FOXK1: variants seen among roughly 807,000 people sequenced by gnomAD.
FOXK1 encodes forkhead box K1.
In FOXK1, 19 loss-of-function variants were observed where a neutral mutation model predicts 51.9. The observed-to-expected ratio is 0.37, with a 90% CI of 0.26 to 0.54. The LOEUF is 0.54. Among genes scored for constraint, FOXK1 ranks in the 20% least tolerant of loss-of-function variants. The pLI is 0.87. For synonymous variants in FOXK1, 537 were observed against 482.6 expected (o/e 1.11, Z -1.48); for missense variants, 870 against 1,032.7 (o/e 0.84, Z 2.16).
At position 4,722,017 on chromosome 7, in the gene FOXK1, C is replaced by T. The variant is rs1446642304; in HGVS notation, c.561-18821C>T. Among the ~76,000 whole-genome samples, 3 of 152,234 alleles carry T rather than the reference C, an allele frequency of 2.0e-5. No individual in the cohort carries two copies. Among genetic ancestry groups the T allele is most frequent in the Non-Finnish European group, 4.4e-5 (3 of 68,044 alleles). ...TGTTACTTTCTCCCAAAGGAGGCAG[C>T]CGGGGTGAGACTGGTGACCCCGCTG... is the stretch of plus-strand genomic sequence containing the variant. On this transcript the variant is annotated intron_variant, in intron 1 of 8. Coordinates refer to ENST00000328914, the MANE Select transcript of FOXK1 (RefSeq NM_001037165.2). This position sits in a 1 kb window ranked among gnomAD's most constrained non-coding sequence, Gnocchi z 5.1.
Position 4,761,350 on chromosome 7 carries a change from G to A in FOXK1, c.1921+62G>A. 6.7e-7 allele frequency: 1 copy of A among 1,491,390 alleles called. No individual in the cohort carries two copies. 92.4% of individuals were successfully genotyped at this position (1,491,390 alleles called of 1,614,324 possible). On this transcript the variant is annotated intron_variant, in intron 8 of 8. Coordinates refer to ENST00000328914, the MANE Select transcript of FOXK1 (RefSeq NM_001037165.2). The surrounding 1 kb of genome is among the most constrained non-coding windows in gnomAD (Gnocchi z 6.2). ...AGCTCTGTGGCTCCCAGTAGTCAGTGCGGCATGAGAATGTTCTCCCAGTAT... is the reference window on the plus strand; with the variant it reads ...AGCTCTGTGGCTCCCAGTAGTCAGTACGGCATGAGAATGTTCTCCCAGTAT...
In FOXK1 at chr7:4,766,237, A is replaced by G. The variant is rs947849818; in HGVS notation, c.*3773A>G. 15 of 152,258 alleles carry G rather than the reference A, an allele frequency of 9.9e-5. No individual in the cohort carries two copies. The highest frequency in any genetic ancestry group is 3.1e-4 in the African/African-American group (13 of 41,534). The allele number at this position is 152,258 out of a possible 1,614,324, so 9.4% of individuals were successfully genotyped here. A position where few individuals can be genotyped will look rare whatever the true frequency, so the allele number is the denominator to read the frequency against. On this transcript the variant is annotated 3_prime_UTR_variant, in exon 9 of 9. Transcript: ENST00000328914. The surrounding 1 kb of genome is among the most constrained non-coding windows in gnomAD (Gnocchi z 5.5). ...CACCAGTCGGGCCGAGTGTGGCCTC[A>G]TGGTTCTGCCGCGGCCCAGTCTTCT...
At chr7:4,691,456 T>G (rs1779890286) in intron 1 of FOXK1, among the ~76,000 whole-genome samples, 1 of 152,144 alleles carries the variant, frequency 6.6e-6, no homozygotes, top group Non-Finnish European at 1.5e-5. Context: ...TGCCCCAGCC[T>G]CCCGAGTAGC....
At chr7:4,750,517 A>G (rs915550959) in intron 2 of FOXK1, among the ~76,000 whole-genome samples, 1 of 149,366 alleles carries the variant, frequency 6.7e-6, no homozygotes. Flanking sequence ...ATCTCTGCTC[A>G]CTGCAAGCTC....
intron 1 of FOXK1, among the ~76,000 whole-genome samples, chr7:4,713,811 T>C (rs1780204145): frequency 1.3e-5 from 2 of 150,156 alleles, no homozygotes; most frequent in African/African-American, 2.5e-5. Flanking sequence ...TTTGAGTTTT[T>C]TCTTTTTTTC....
intron 1 of FOXK1, among the ~76,000 whole-genome samples, chr7:4,732,338 A>C (rs527783388): frequency 1.3e-5 from 2 of 152,250 alleles, no homozygotes; most frequent in African/African-American, 4.8e-5. Flanking sequence ...CCATTCATTC[A>C]TTCATTCATT....
chr7:4,759,760 G>T, intron 7 of FOXK1, 165 bp downstream of exon 7: 1 of 880,200 alleles, frequency 1.1e-6, no homozygotes, highest in Non-Finnish European at 1.7e-6. Context: ...AGCTGGGCAG[G>T]TGGCTCATGC....
intron 1 of FOXK1, among the ~76,000 whole-genome samples, chr7:4,689,778 C>A (rs983574003): frequency 7.9e-5 from 12 of 152,310 alleles, no homozygotes; most frequent in African/African-American, 2.9e-4. Context: ...AAGTCGAATG[C>A]CCCACTACGT....
intron 1 of FOXK1, among the ~76,000 whole-genome samples, chr7:4,717,471 T>G (rs1427827500): frequency 7.4e-6 from 1 of 134,888 alleles, no homozygotes; most frequent in Admixed American, 7.1e-5. Context: ...GGGAGGCATG[T>G]GGCTGGGAGG....
At chr7:4,710,168 T>G (rs1314712377) in intron 1 of FOXK1, among the ~76,000 whole-genome samples, 1 of 152,178 alleles carries the variant, frequency 6.6e-6, no homozygotes, top group Non-Finnish European at 1.5e-5. Flanking sequence ...TTTGGACGAG[T>G]AGTTCATCTG....
intron 2 of FOXK1, among the ~76,000 whole-genome samples, chr7:4,751,125 C>T (rs1780770070): frequency 1.3e-5 from 2 of 151,534 alleles, no homozygotes; most frequent in Admixed American, 6.6e-5. Context: ...TGCCATTCTC[C>T]TGCCTCAGCC....
At position 4,737,551 on chromosome 7, in the gene FOXK1, C is replaced by CGTGTGTGTGT. The variant is rs762298656; in HGVS notation, c.561-3287_561-3286insGTGTGTGTGT. 6.0e-3 allele frequency among the ~76,000 whole-genome samples: 457 copies of CGTGTGTGTGT among 76,466 alleles called. 2 individuals are homozygous for CGTGTGTGTGT. The highest frequency in any genetic ancestry group is 0.027 in the African/African-American group (436 of 16,224). 50.2% of individuals were successfully genotyped at this position (76,466 alleles called of 152,430 possible). Reference sequence around the variant, plus strand: ...GTGCATTCATGCACGTGTGTGCGTGCCTGTGTGTGTGTGTGTGTGTGTGCA... The same window carrying CGTGTGTGTGT: ...GTGCATTCATGCACGTGTGTGCGTGCGTGTGTGTGTCTGTGTGTGTGTGTGTGTGTGTGCA... On this transcript the variant is annotated intron_variant, in intron 1 of 8. Coordinates refer to ENST00000328914, the MANE Select transcript of FOXK1 (RefSeq NM_001037165.2).
rs898406664 is a variant in FOXK1, at chr7:4,711,291, T to C, written c.560+28423T>C. On this transcript the variant is annotated intron_variant, in intron 1 of 8. Transcript: ENST00000328914. This position sits in a 1 kb window ranked among gnomAD's most constrained non-coding sequence, Gnocchi z 6.3. ...GGAAGGCTGAGTGTCCTGGGAAGCGTCCATGGGATGTATCAGTCAGGGAGG... is the reference window on the plus strand; with the variant it reads ...GGAAGGCTGAGTGTCCTGGGAAGCGCCCATGGGATGTATCAGTCAGGGAGG... 6.6e-6 allele frequency among the ~76,000 whole-genome samples: 1 copy of C among 152,056 alleles called. No homozygotes were observed. The highest frequency in any genetic ancestry group is 1.9e-4 in the East Asian group (1 of 5,164).
At chr7:4,759,652 C>T in intron 7 of FOXK1, 57 bp downstream of exon 7, 1 of 1,491,780 alleles carries the variant, frequency 6.7e-7, no homozygotes. Context: ...TCCCGGCCGG[C>T]AAGTCCCCAA....
rs59205410 is a variant in FOXK1 at position 4,684,766 on chromosome 7, G to A, written c.560+1898G>A. Reference sequence around the variant, plus strand: ...TGTTTTCAGGTTTCCTGCCCCTGCCGTGGAAACAGGTGCACTCCTGAGTCA... The same window carrying A: ...TGTTTTCAGGTTTCCTGCCCCTGCCATGGAAACAGGTGCACTCCTGAGTCA... On this transcript the variant is annotated intron_variant, in intron 1 of 8. Coordinates refer to ENST00000328914, the MANE Select transcript of FOXK1 (RefSeq NM_001037165.2). Among the ~76,000 whole-genome samples the A allele has an allele frequency of 7.9e-5, 12 of 152,168 alleles. No individual in the cohort carries two copies. In the East Asian group the frequency reaches 2.1e-3, roughly 27 times the overall value.
At chr7:4,742,627 G>C (rs1179699602) in intron 2 of FOXK1, among the ~76,000 whole-genome samples, 1 of 152,052 alleles carries the variant, frequency 6.6e-6, no homozygotes, top group East Asian at 1.9e-4. Context: ...ATGTTGCCCA[G>C]GCTGGTCTGA....
At chr7:4,689,689 G>T (rs995458410) in intron 1 of FOXK1, among the ~76,000 whole-genome samples, 4 of 152,196 alleles carry the variant, frequency 2.6e-5, no homozygotes, top group African/African-American at 7.2e-5. Flanking sequence ...GTTATACGTT[G>T]TATAACCATC....
At chr7:4,712,036 C>G (rs780777748) in intron 1 of FOXK1, among the ~76,000 whole-genome samples, 4 of 151,252 alleles carry the variant, frequency 2.6e-5, no homozygotes, top group African/African-American at 7.3e-5. Flanking sequence ...CTTTGATATT[C>G]AGAGGTGGAT....
At chr7:4,716,574 A>AG (rs2115044507) in intron 1 of FOXK1, among the ~76,000 whole-genome samples, 1 of 152,260 alleles carries the variant, frequency 6.6e-6, no homozygotes, top group East Asian at 1.9e-4. Context: ...GTACAGTGGG[A>AG]GGGGCCCCAG....
Sources: gnomAD v4.1 joint callset for allele counts (sites outside exome capture counted in the v4.1 genomes callset) on GRCh38, gnomAD v4.1.1 for gene constraint, Gnocchi (gnomAD v3.1) non-coding constraint, MANE v1.5 for transcripts, NCBI Gene and HGNC (gene_info 2026-07-23, HGNC 2026-07-21) for gene names.